VGLL4: variants seen among roughly 807,000 people sequenced by gnomAD.
VGLL4 encodes transcription cofactor vestigial-like protein 4.
In VGLL4, 7 loss-of-function variants were observed where a neutral mutation model predicts 21.0. The observed-to-expected ratio is 0.33, with a 90% CI of 0.19 to 0.63. The LOEUF (loss-of-function observed/expected upper bound fraction) is 0.63, where lower values mean the gene tolerates loss of function less well. Ranked by LOEUF, VGLL4 falls within the 20% of genes least tolerant of loss-of-function variation. The pLI is 0.78. For synonymous variants in VGLL4, 222 were observed against 173.2 expected (o/e 1.28, Z -2.21); for missense variants, 394 against 425.7 (o/e 0.93, Z 0.66).
chr3:11,573,508 C>T (rs2249593), intron 2 of VGLL4, among the ~76,000 whole-genome samples: 23,762 of 152,126 alleles, frequency 0.16, 1,903 homozygotes, highest in South Asian at 0.26. Flanking sequence ...GACTTCAACA[C>T]ATGTGACCAG....
At position 11,582,164 on chromosome 3, in the gene VGLL4, C is replaced by T. The variant is rs369770046; in HGVS notation, c.273-17145G>A. On this transcript the variant is annotated intron_variant, in intron 2 of 4. Coordinates refer to ENST00000430365, the MANE Select transcript of VGLL4 (RefSeq NM_001128219.3). ...CTGTCCCTTCTAAGCAAAGACTACT[C>T]TACCTCTCCCAGCACTTGCTGTCTC... The T allele has an allele frequency of 4.4e-4, 529 of 1,194,578 alleles. 7 individuals carry two copies. The Middle Eastern group carries it at 0.016, about 37-fold the overall frequency. The allele number at this position is 1,194,578 out of a possible 1,614,324, so 74.0% of individuals were successfully genotyped here.
At chr3:11,663,832 C>T (rs1307708874) in intron 2 of VGLL4, among the ~76,000 whole-genome samples, 2 of 152,144 alleles carry the variant, frequency 1.3e-5, no homozygotes, top group Non-Finnish European at 2.9e-5. Context: ...CTGAAGTAAG[C>T]AAAACAATGG....
intron 2 of VGLL4, among the ~76,000 whole-genome samples, chr3:11,652,284 T>C (rs1206239051): frequency 6.6e-6 from 1 of 152,226 alleles, no homozygotes; most frequent in African/African-American, 2.4e-5. Flanking sequence ...ATAGTTTAAT[T>C]CTTACTAAAC....
At chr3:11,615,339 G>A (rs1016831431) in intron 1 of VGLL4, among the ~76,000 whole-genome samples, 4 of 152,164 alleles carry the variant, frequency 2.6e-5, no homozygotes, top group African/African-American at 9.7e-5. Flanking sequence ...TCGTGACACT[G>A]ATGTTTTTAA....
In VGLL4 at chr3:11,695,052, C is replaced by CTT. The variant is rs11457651; in HGVS notation, c.64+7917_64+7918dup. Among the ~76,000 whole-genome samples the CTT allele has an allele frequency of 2.1e-3, 294 of 138,562 alleles. 1 individual carries two copies. The highest frequency in any genetic ancestry group is 5.4e-3 in the African/African-American group (201 of 37,524). 90.9% of individuals were successfully genotyped at this position (138,562 alleles called of 152,430 possible). ...ACTTACGTAAGGGAATGTTCTCATT[C>CTT]TTTTTTTTTTTTTTTTGAAATGGAG... On this transcript the variant is annotated intron_variant, in intron 2 of 5. Coordinates refer to the VGLL4 transcript ENST00000273038.
intron 2 of VGLL4, among the ~76,000 whole-genome samples, chr3:11,699,881 C>T (rs547734818): frequency 6.6e-5 from 10 of 152,086 alleles, no homozygotes; most frequent in African/African-American, 2.2e-4. Flanking sequence ...GCCTTATAAG[C>T]GAATTTATCC....
At chr3:11,702,205 C>T (rs1045677246) in intron 2 of VGLL4, among the ~76,000 whole-genome samples, 3 of 152,090 alleles carry the variant, frequency 2.0e-5, no homozygotes, top group African/African-American at 7.2e-5. Flanking sequence ...ACATATTTAT[C>T]TCAACATCTG....
intron 2 of VGLL4, chr3:11,693,004 AC>A (rs1215420173): frequency 1.2e-5 from 2 of 164,468 alleles, no homozygotes; most frequent in African/African-American, 2.4e-5. Context: ...CCCTGTCTCT[AC>A]CAAAAATACA....
chr3:11,689,913 G>A (rs912334935), intron 2 of VGLL4, among the ~76,000 whole-genome samples: 1 of 152,132 alleles, frequency 6.6e-6, no homozygotes, highest in Non-Finnish European at 1.5e-5. Context: ...CACAGATACC[G>A]CCTGCTAGAG....
Position 11,638,267 on chromosome 3 carries a change from C to T in VGLL4, c.82+5170G>A, listed in dbSNP as rs186120832. Among the ~76,000 whole-genome samples, 222 of 152,160 alleles carry T rather than the reference C, an allele frequency of 1.5e-3. 1 individual carries two copies. The highest frequency in any genetic ancestry group is 5.1e-3 in the African/African-American group (210 of 41,512). The stretch of plus-strand genomic sequence containing the variant: ...ACAAGGCCACGCAGACAATAGGGAA[C>T]GGAGGAAGGAGGGAGGAAGACAAAC... On this transcript the variant is annotated intron_variant, in intron 1 of 4. Transcript: ENST00000430365.
chr3:11,676,259 T>C (rs1412607923), intron 2 of VGLL4, among the ~76,000 whole-genome samples: 4 of 151,848 alleles, frequency 2.6e-5, no homozygotes, highest in Non-Finnish European at 4.4e-5. Flanking sequence ...TGGTGGTGGG[T>C]GCCTGTAGTC....
At chr3:11,569,840 C>T (rs1347631689) in intron 2 of VGLL4, among the ~76,000 whole-genome samples, 1 of 152,172 alleles carries the variant, frequency 6.6e-6, no homozygotes, top group Non-Finnish European at 1.5e-5. Flanking sequence ...ATGGTCACGC[C>T]ACTGCACTTT....
intron 2 of VGLL4, among the ~76,000 whole-genome samples, chr3:11,595,129 C>T (rs1018999442): frequency 2.0e-5 from 3 of 152,172 alleles, no homozygotes; most frequent in Admixed American, 2.0e-4. Context: ...TCATTGCACT[C>T]CAGCCTGGGC....
chr3:11,573,764 G>A (rs986084193), intron 2 of VGLL4, among the ~76,000 whole-genome samples: 2 of 152,196 alleles, frequency 1.3e-5, no homozygotes, highest in African/African-American at 2.4e-5. Flanking sequence ...TTTAATTTCT[G>A]TAATGGGTTG....
chr3:11,709,319 C>A (rs2076805481), intron 1 of VGLL4, among the ~76,000 whole-genome samples: 1 of 151,654 alleles, frequency 6.6e-6, no homozygotes, highest in African/African-American at 2.4e-5. Context: ...CACCTGTAAT[C>A]CCAGCTACTC....
At chr3:11,600,008 G>A (rs182595894) in intron 2 of VGLL4, among the ~76,000 whole-genome samples, 9 of 152,108 alleles carry the variant, frequency 5.9e-5, no homozygotes, top group Non-Finnish European at 8.8e-5. Flanking sequence ...TGATTAAAAG[G>A]CACATACTAT....
rs985199826 is a variant in VGLL4 at position 11,573,332 on chromosome 3, A to G, written c.273-8313T>C. On this transcript the variant is annotated intron_variant, in intron 2 of 4. Coordinates refer to ENST00000430365, the MANE Select transcript of VGLL4 (RefSeq NM_001128219.3). Reference sequence around the variant, plus strand: ...GGAAGGAAGGAAGAAAGAAAGAAAGAAAGAAAGAAAGAAAGAAAGAAAGAA... The same window carrying G: ...GGAAGGAAGGAAGAAAGAAAGAAAGGAAGAAAGAAAGAAAGAAAGAAAGAA... Among the ~76,000 whole-genome samples the G allele has an allele frequency of 2.0e-3, 124 of 61,440 alleles. 4 individuals carry two copies. Among genetic ancestry groups the G allele is most frequent in the East Asian group, 4.6e-3 (8 of 1,740 alleles). 40.3% of individuals were successfully genotyped at this position (61,440 alleles called of 152,430 possible). A position where few individuals can be genotyped will look rare whatever the true frequency, so the allele number is the denominator to read the frequency against.
At chr3:11,643,368 G>A in intron 1 of VGLL4, 69 bp downstream of exon 1, 5 of 1,611,312 alleles carry the variant, frequency 3.1e-6, no homozygotes, top group Non-Finnish European at 4.2e-6. Flanking sequence ...TAGAAGGCAG[G>A]CACCCAGCAC....
intron 1 of VGLL4, among the ~76,000 whole-genome samples, chr3:11,627,164 A>G (rs976490151): frequency 9.9e-5 from 15 of 151,870 alleles, no homozygotes; most frequent in Non-Finnish European, 2.2e-4. Flanking sequence ...ATACTTATGT[A>G]TAAGTATGGC....
Sources: allele counts gnomAD v4.1 joint callset (sites outside exome capture counted in the v4.1 genomes callset), GRCh38; gene constraint gnomAD v4.1.1; transcripts MANE v1.5; gene names NCBI Gene and HGNC (gene_info 2026-07-23, HGNC 2026-07-21).